Variants in BICRAL observed in about 807,000 individuals in gnomAD.
BICRAL encodes the protein BICRA like chromatin remodeling complex associated protein.
BICRAL carries 8 observed loss-of-function variants against 91.8 expected under a neutral mutation model. The ratio of observed to expected loss-of-function variants is 0.09; its 90% CI spans 0.05 to 0.16. The LOEUF (loss-of-function observed/expected upper bound fraction) is 0.16, where lower values mean the gene tolerates loss of function less well. Ranked by LOEUF, BICRAL falls within the 10% of genes least tolerant of loss-of-function variation. BICRAL has a pLI of 1.00. For synonymous variants in BICRAL, 445 were observed against 491.1 expected, an observed-to-expected ratio of 0.91 and a Z score of 1.24; for missense variants, 1,038 against 1,310.9, an observed-to-expected ratio of 0.79 and a Z score of 3.21.
At chr6:42,772,658 C>G (rs886159580) in intron 1 of BICRAL, among the ~76,000 whole-genome samples, 1 of 152,136 alleles carries the variant, frequency 6.6e-6, no homozygotes, top group African/African-American at 2.4e-5. Flanking sequence ...CAATAAACAT[C>G]CCTGGGCAGT....
intron 1 of BICRAL, among the ~76,000 whole-genome samples, chr6:42,750,731 A>G (rs1203530456): frequency 1.3e-5 from 2 of 151,804 alleles, no homozygotes. Flanking sequence ...GCCCACCACC[A>G]TGCCTGGCTA....
At chr6:42,846,125 C>A (rs952076963) in intron 6 of BICRAL, among the ~76,000 whole-genome samples, 1 of 151,190 alleles carries the variant, frequency 6.6e-6, no homozygotes, top group African/African-American at 2.4e-5. Flanking sequence ...ACCTGTAATC[C>A]CAGCACTTTC....
intron 1 of BICRAL, among the ~76,000 whole-genome samples, chr6:42,785,020 A>G (rs1763060960): frequency 6.6e-6 from 1 of 152,180 alleles, no homozygotes; most frequent in Non-Finnish European, 1.5e-5. Context: ...ATTGAGGTCC[A>G]TGTAATTTTG....
chr6:42,847,905 G>C (rs527841608), intron 6 of BICRAL, among the ~76,000 whole-genome samples: 2 of 152,056 alleles, frequency 1.3e-5, no homozygotes, highest in African/African-American at 4.8e-5. Context: ...CGAGGCGGGC[G>C]GATCATGAGG....
chr6:42,773,801 C>T (rs1762775239), intron 1 of BICRAL, among the ~76,000 whole-genome samples: 1 of 152,254 alleles, frequency 6.6e-6, no homozygotes, highest in African/African-American at 2.4e-5. Flanking sequence ...CAGGCGTGAG[C>T]CACCACGCCC....
intron 1 of BICRAL, among the ~76,000 whole-genome samples, chr6:42,748,744 C>T (rs1370097122): frequency 6.6e-6 from 1 of 152,192 alleles, no homozygotes; most frequent in Non-Finnish European, 1.5e-5. Flanking sequence ...CCCCCCTGCA[C>T]AGCTGCAGGC....
intron 10 of BICRAL, among the ~76,000 whole-genome samples, chr6:42,858,184 C>T (rs1010852360): frequency 5.3e-5 from 8 of 151,810 alleles, no homozygotes; most frequent in Admixed American, 1.3e-4. Context: ...CAAAATGAGT[C>T]CAGAGCATTG....
intron 6 of BICRAL, among the ~76,000 whole-genome samples, chr6:42,842,263 T>C (rs567435987): frequency 2.0e-4 from 30 of 152,332 alleles, no homozygotes; most frequent in African/African-American, 6.3e-4. Context: ...ACAGAAGTAC[T>C]GTGCTACCTG....
chr6:42,802,822 C>G (rs527889291), intron 1 of BICRAL, among the ~76,000 whole-genome samples: 2 of 152,148 alleles, frequency 1.3e-5, no homozygotes, highest in African/African-American at 4.8e-5. Flanking sequence ...CATAAACAGT[C>G]CTCCGTCCTC....
chr6:42,828,834 G>A lies in BICRAL; in HGVS notation c.501G>A (p.Gly167=). ...NYSGQTLQPI[G]VTHVPVGASF... ...CAGGTCAGACGCTGCAGCCTATAGG[G>A]GTGACGCATGTGCCTGTTGGAGCAT... Residue 167 remains glycine, a synonymous_variant, in exon 6 of 13, where the codon GGG becomes GGA. Coordinates refer to ENST00000314073, the MANE Select transcript of BICRAL (RefSeq NM_001393499.1). 6.2e-7 allele frequency: 1 copy of A among 1,614,140 alleles called. No individual in the cohort carries two copies. The highest frequency in any genetic ancestry group is 8.5e-7 in the Non-Finnish European group (1 of 1,180,026).
chr6:42,774,168 T>C (rs901584385), intron 1 of BICRAL, among the ~76,000 whole-genome samples: 1 of 152,042 alleles, frequency 6.6e-6, no homozygotes. Flanking sequence ...AGATAGGGGT[T>C]TGGAGGAGGA....
chr6:42,765,411 C>T (rs964122114), intron 1 of BICRAL, among the ~76,000 whole-genome samples: 2 of 152,064 alleles, frequency 1.3e-5, no homozygotes, highest in African/African-American at 4.8e-5. Flanking sequence ...TTTGCTGAGG[C>T]GCAAATTCAA....
At chr6:42,782,502 G>T (rs1762944223) in intron 1 of BICRAL, among the ~76,000 whole-genome samples, 1 of 151,340 alleles carries the variant, frequency 6.6e-6, no homozygotes, top group Non-Finnish European at 1.5e-5. Flanking sequence ...GCGGGCAGGG[G>T]GCGGCGAGGC....
At chr6:42,840,881 G>A (rs969949041) in intron 6 of BICRAL, among the ~76,000 whole-genome samples, 8 of 151,124 alleles carry the variant, frequency 5.3e-5, no homozygotes, top group East Asian at 4.0e-4. Flanking sequence ...CAAGACTAGC[G>A]TGGCTAACAT....
chr6:42,857,293 A>AC, intron 10 of BICRAL, 57 bp downstream of exon 10: 2 of 1,451,932 alleles, frequency 1.4e-6, no homozygotes, highest in Non-Finnish European at 1.9e-6. Flanking sequence ...CTCCATGGAC[A>AC]CCCCCCAGAA....
At chr6:42,851,828 C>T (rs1765192828) in intron 6 of BICRAL, among the ~76,000 whole-genome samples, 1 of 152,056 alleles carries the variant, frequency 6.6e-6, no homozygotes, top group African/African-American at 2.4e-5. Flanking sequence ...CACAGCAGCC[C>T]CGGGAGCAAG....
intron 12 of BICRAL, among the ~76,000 whole-genome samples, chr6:42,863,446 C>A (rs920023289): frequency 6.6e-5 from 10 of 152,196 alleles, no homozygotes; most frequent in African/African-American, 2.2e-4. Flanking sequence ...CCTTCCATAT[C>A]ATTTTGGATG....
intron 6 of BICRAL, among the ~76,000 whole-genome samples, chr6:42,835,254 A>G (rs1336778997): frequency 1.3e-5 from 2 of 151,800 alleles, no homozygotes; most frequent in Non-Finnish European, 2.9e-5. Context: ...TCAGCCTCCC[A>G]AGTAGCTGGG....
intron 6 of BICRAL, among the ~76,000 whole-genome samples, chr6:42,845,205 T>TG (rs1764964656): frequency 3.4e-5 from 1 of 29,136 alleles, no homozygotes. Context: ...GTTTTTTTTT[T>TG]TTTTTTTTTT....
Sources: gnomAD v4.1 joint callset for allele counts (sites outside exome capture counted in the v4.1 genomes callset) on GRCh38, gnomAD v4.1.1 for gene constraint, MANE v1.5 for transcripts, NCBI Gene and HGNC (gene_info 2026-07-23, HGNC 2026-07-21) for gene names.